The following OPHN1 variants were observed in gnomAD, a reference collection of about 807,000 sequenced individuals.
OPHN1 encodes oligophrenin 1, also known as oligophrenin-1.
OPHN1 carries 11 observed loss-of-function variants against 60.7 expected under a neutral mutation model. That is an observed-to-expected ratio of 0.18 (90% CI 0.11 to 0.30). The LOEUF is 0.30. Ranked by LOEUF, OPHN1 falls within the 10% of genes least tolerant of loss-of-function variation. The pLI is 1.00. For missense variants in OPHN1, 449 were observed against 611.0 expected (o/e 0.73, Z 2.80); for synonymous variants, 226 against 222.6 (o/e 1.02, Z -0.14).
intron 6 of OPHN1, among the ~76,000 whole-genome samples, chrX:68,224,359 G>A (rs2077679053): frequency 1.8e-5 from 2 of 111,530 alleles, no homozygotes; most frequent in African/African-American, 6.5e-5. Context: ...CTGAGTCAAA[G>A]ACGCAAAGAA....
chrX:68,201,369 C>T (rs1045010760), intron 11 of OPHN1, among the ~76,000 whole-genome samples: 5 of 111,838 alleles, frequency 4.5e-5, no homozygotes, highest in Non-Finnish European at 9.4e-5. Context: ...CCAGGAGAGA[C>T]TTTTTCTTCC....
At chrX:68,406,043 G>C (rs1481642794) in intron 2 of OPHN1, among the ~76,000 whole-genome samples, 1 of 108,534 alleles carries the variant, frequency 9.2e-6, no homozygotes, top group Non-Finnish European at 1.9e-5. Context: ...AGCTACTCAG[G>C]AGGCTGAGGC....
chrX:68,386,290 T>C (rs768331166), intron 2 of OPHN1, among the ~76,000 whole-genome samples: 1 of 111,737 alleles, frequency 8.9e-6, no homozygotes, highest in East Asian at 2.8e-4. Flanking sequence ...TAGAATCTTT[T>C]GAGAAGATGG....
intron 15 of OPHN1, among the ~76,000 whole-genome samples, chrX:68,152,557 C>T: frequency 9.1e-6 from 1 of 109,496 alleles, no homozygotes; most frequent in Non-Finnish European, 1.9e-5. Flanking sequence ...GATCCTCCCA[C>T]CTCAGACTCC....
chrX:68,163,149 T>C (rs1187758861), intron 15 of OPHN1, among the ~76,000 whole-genome samples: 4 of 111,294 alleles, frequency 3.6e-5, no homozygotes, highest in Non-Finnish European at 7.6e-5. Context: ...GGCATTTTGA[T>C]ATCTAAAGGT....
chrX:68,377,601 C>T, intron 2 of OPHN1, among the ~76,000 whole-genome samples: 1 of 107,001 alleles, frequency 9.3e-6, no homozygotes, highest in East Asian at 3.0e-4. Context: ...CCACAACAGT[C>T]CCCAGAGTGT....
intron 16 of OPHN1, 86 bp downstream of exon 16, chrX:68,119,162 G>T: frequency 1.5e-6 from 1 of 664,676 alleles, no homozygotes; most frequent in Non-Finnish European, 2.5e-6. Flanking sequence ...CAAACTCCTG[G>T]AACTGAGACC....
chrX:68,086,217 G>A (rs1194984756), intron 19 of OPHN1, among the ~76,000 whole-genome samples: 1 of 104,265 alleles, frequency 9.6e-6, no homozygotes, highest in Non-Finnish European at 2.0e-5. Flanking sequence ...CTAAAAGAAT[G>A]GGAAACTCAT....
chrX:68,416,067 T>TAGAGAGAG (rs1171250178), intron 2 of OPHN1, among the ~76,000 whole-genome samples: 13 of 8,338 alleles, frequency 1.6e-3, no homozygotes, highest in Non-Finnish European at 2.6e-3. Flanking sequence ...TATATATATA[T>TAGAGAGAG]AGAGAGAGAG....
chrX:68,221,023 C>G (rs1316127225), intron 6 of OPHN1, among the ~76,000 whole-genome samples: 1 of 104,156 alleles, frequency 9.6e-6, no homozygotes, highest in African/African-American at 3.4e-5. Flanking sequence ...GATTGTATAT[C>G]TAGAAAACCC....
At chrX:68,398,131 G>T (rs1447866684) in intron 2 of OPHN1, among the ~76,000 whole-genome samples, 3 of 111,447 alleles carry the variant, frequency 2.7e-5, no homozygotes, top group Admixed American at 1.9e-4. Context: ...ATTGTCCCTT[G>T]CCTTTTATTT....
chrX:68,080,702 G>T (rs943485356), intron 19 of OPHN1, among the ~76,000 whole-genome samples: 1 of 112,106 alleles, frequency 8.9e-6, no homozygotes, highest in Non-Finnish European at 1.9e-5. Context: ...AAGCCAAGTG[G>T]TGAGGATGGC....
intron 2 of OPHN1, among the ~76,000 whole-genome samples, chrX:68,417,208 T>C (rs1413889098): frequency 1.8e-5 from 2 of 111,435 alleles, no homozygotes; most frequent in Admixed American, 1.9e-4. Flanking sequence ...CAACTCTGCC[T>C]CAGCCTCCCA....
intron 5 of OPHN1, among the ~76,000 whole-genome samples, chrX:68,239,322 T>C (rs1331499621): frequency 9.0e-6 from 1 of 110,771 alleles, no homozygotes; most frequent in Non-Finnish European, 1.9e-5. Context: ...CGCCTGTGTG[T>C]TCCTCTCGAT....
At chrX:68,247,509 C>T (rs2077812113) in intron 5 of OPHN1, among the ~76,000 whole-genome samples, 2 of 111,515 alleles carry the variant, frequency 1.8e-5, no homozygotes, top group African/African-American at 6.5e-5. Flanking sequence ...CCCTTATAGT[C>T]CACCAAGGAC....
intron 15 of OPHN1, among the ~76,000 whole-genome samples, chrX:68,188,527 C>G (rs2077473391): frequency 8.9e-6 from 1 of 111,742 alleles, no homozygotes; most frequent in South Asian, 3.7e-4. Context: ...CACACATATA[C>G]AAGGATCTGG....
chrX:68,317,569 AAGAAAG>A (rs1445558027), intron 2 of OPHN1, among the ~76,000 whole-genome samples: 929 of 91,212 alleles, frequency 0.01, 53 homozygotes, highest in African/African-American at 0.045. Flanking sequence ...GAAAGAAAGA[AAGAAAG>A]AGAAAGAAAG....
At chrX:68,262,775 G>A (rs966600471) in intron 5 of OPHN1, among the ~76,000 whole-genome samples, 7 of 110,844 alleles carry the variant, frequency 6.3e-5, no homozygotes, top group Non-Finnish European at 1.1e-4. Context: ...CAACAAGAGC[G>A]AAAGTCCGAC....
chrX:68,389,789 T>C (rs1223786029), intron 2 of OPHN1, among the ~76,000 whole-genome samples: 2 of 110,096 alleles, frequency 1.8e-5, no homozygotes, highest in African/African-American at 6.6e-5. Flanking sequence ...ACTCACTATG[T>C]GACTTTGGGC....
Sources: gnomAD v4.1 joint callset for allele counts (sites outside exome capture counted in the v4.1 genomes callset) on GRCh38, gnomAD v4.1.1 for gene constraint, MANE v1.5 for transcripts, NCBI Gene and HGNC (gene_info 2026-07-23, HGNC 2026-07-21) for gene names.